Variants in URB2 observed in about 807,000 individuals in gnomAD.
URB2 encodes unhealthy ribosome biogenesis protein 2 homolog.
Under a neutral mutation model 120.9 loss-of-function variants are expected in URB2, and 86 were observed. That is an observed-to-expected ratio of 0.71 (90% CI 0.60 to 0.85). The LOEUF (loss-of-function observed/expected upper bound fraction) is 0.85. Ranked by LOEUF, URB2 falls within the 40% of genes least tolerant of loss-of-function variation. The probability of loss-of-function intolerance (pLI) is 0.00; values close to 1 mark genes in which losing one functional copy is unlikely to be tolerated. For missense variants in URB2, 1,765 were observed against 1,836.5 expected (o/e 0.96, Z 0.71); for synonymous variants, 755 against 758.4 (o/e 1.00, Z 0.07).
At position 229,636,396 on chromosome 1, in the gene URB2, C is replaced by A. The variant is rs757841534; in HGVS notation, c.1783C>A (p.Pro595Thr). ...ALLPDTPGPE[P>T]ELWLQKVSDS... The stretch of plus-strand genomic sequence containing the variant: ...TCTCCCGGACACCCCAGGCCCAGAG[C>A]CAGAGCTGTGGCTGCAGAAGGTCAG... The change falls in exon 4 of 10, where the codon CCA becomes ACA. Residue 595 changes from proline to threonine, a missense_variant. Pro to Thr is a conservative substitution (Grantham distance 38, BLOSUM62 -1). Coordinates refer to ENST00000258243, the MANE Select transcript of URB2 (RefSeq NM_014777.4). 4.6e-5 allele frequency: 74 copies of A among 1,614,128 alleles called. No homozygotes were observed. The South Asian group carries it at 7.0e-4, about 15-fold the overall frequency.
In URB2 at chr1:229,635,252, T is replaced by C. The variant is rs748606404; in HGVS notation, c.639T>C (p.Ser213=). 1.2e-6 allele frequency: 2 copies of C among 1,614,190 alleles called. No individual in the cohort carries two copies. The highest frequency in any genetic ancestry group is 4.5e-5 in the East Asian group (2 of 44,890). ...QPCLVLRHLL[S]GGTWTQAGQG... The stretch of plus-strand genomic sequence containing the variant: ...GCCTGGTCCTGAGGCACTTACTCTC[T>C]GGGGGCACATGGACGCAGGCTGGCC... Residue 213 remains serine, a synonymous_variant, in exon 4 of 10, where the codon TCT becomes TCC. Transcript: ENST00000258243.
At chr1:229,638,372 G>A (rs1665911431) in intron 4 of URB2, 125 bp downstream of exon 4, 2 of 1,158,326 alleles carry the variant, frequency 1.7e-6, no homozygotes, top group Admixed American at 5.5e-5. Context: ...GCGGCTGGGT[G>A]CGGTGGCTTA....
At chr1:229,648,790 C>T (rs1028067309) in intron 7 of URB2, among the ~76,000 whole-genome samples, 3 of 152,134 alleles carry the variant, frequency 2.0e-5, no homozygotes, top group African/African-American at 7.2e-5. Context: ...CTCATAGATA[C>T]GACGGTTAAT....
At chr1:229,651,378 T>C (rs936651561) in intron 8 of URB2, 56 bp downstream of exon 8, 19 of 1,472,982 alleles carry the variant, frequency 1.3e-5, no homozygotes, top group Non-Finnish European at 1.8e-5. Flanking sequence ...GAGGTGTGGC[T>C]GCTGGCCACA....
chr1:229,659,595 T>G lies in URB2; in HGVS notation c.*298T>G. ...CTTGGGACCTTTCTGTGTTTGGTTC[T>G]CGTCTTGGCTCAGTGGTTTGGTGTT... On this transcript the variant is annotated 3_prime_UTR_variant, in exon 10 of 10. Coordinates refer to ENST00000258243, the MANE Select transcript of URB2 (RefSeq NM_014777.4). 4.1e-6 allele frequency: 1 copy of G among 245,230 alleles called. No individual in the cohort carries two copies. The highest frequency in any genetic ancestry group is 8.6e-5 in the South Asian group (1 of 11,594). The allele number at this position is 245,230 out of a possible 1,614,324, so 15.2% of individuals were successfully genotyped here.
intron 4 of URB2, 37 bp from the exon 5 acceptor site, chr1:229,643,496 G>A (rs1288428415): frequency 6.2e-7 from 1 of 1,612,772 alleles, no homozygotes; most frequent in Non-Finnish European, 8.5e-7. Context: ...TATTTCACCT[G>A]TCACATCTTA....
chr1:229,659,590 G>T lies in URB2; in HGVS notation c.*293G>T. ...TGACTCTTGGGACCTTTCTGTGTTT[G>T]GTTCTCGTCTTGGCTCAGTGGTTTG... On this transcript the variant is annotated 3_prime_UTR_variant, in exon 10 of 10. Coordinates refer to ENST00000258243, the MANE Select transcript of URB2 (RefSeq NM_014777.4). 4.0e-6 allele frequency: 1 copy of T among 252,090 alleles called. No homozygotes were observed. Among genetic ancestry groups the T allele is most frequent in the Non-Finnish European group, 7.7e-6 (1 of 130,406 alleles). 15.6% of individuals were successfully genotyped at this position (252,090 alleles called of 1,614,324 possible).
rs1260500240 is a variant in URB2, at chr1:229,636,792, G to A, written c.2179G>A (p.Val727Ile). ...AACGACGGCTTCCTGGGATGGCCAA[G>A]TTGGGATGGTGAGTGGACTCACATA... ...QRTTASWDGQ[V>I]GMVSGLTYPV... is the part of the protein sequence containing the mutation. Residue 727 changes from valine (V) to isoleucine (I), a missense_variant, in exon 4 of 10, where the codon GTT becomes ATT. Physicochemically the swap from Val to Ile is conservative, Grantham distance 29. Coordinates refer to ENST00000258243, the MANE Select transcript of URB2 (RefSeq NM_014777.4). 1 of 1,612,456 alleles carries A rather than the reference G, an allele frequency of 6.2e-7. No homozygotes were observed. The highest frequency in any genetic ancestry group is 1.3e-5 in the African/African-American group (1 of 74,870).
chr1:229,635,023 T>A lies in URB2; in HGVS notation c.410T>A (p.Val137Asp). The change falls in exon 4 of 10, where the codon GTC (valine) becomes GAC (aspartate). Residue 137 changes from valine (V) to aspartate (D), a missense_variant. Val to Asp is a radical substitution (Grantham distance 152, BLOSUM62 -3). Transcript: ENST00000258243. ...QGILSTPALA[V>D]IYTAKQELMV... ...ATCCTGTCGACACCTGCCCTGGCTG[T>A]CATCTACACGGCCAAACAGGAGCTG... is the stretch of plus-strand genomic sequence containing the variant. 1 of 1,613,836 alleles carries A rather than the reference T, an allele frequency of 6.2e-7. No individual in the cohort carries two copies. The highest frequency in any genetic ancestry group is 8.5e-7 in the Non-Finnish European group (1 of 1,179,778).
chr1:229,628,101 T>A (rs182635690), intron 2 of URB2, among the ~76,000 whole-genome samples: 2 of 142,830 alleles, frequency 1.4e-5, no homozygotes, highest in East Asian at 3.9e-4. Context: ...ATTATATATA[T>A]TATATATGTA....
intron 7 of URB2, among the ~76,000 whole-genome samples, chr1:229,649,794 CTTG>C (rs1477143750): frequency 6.6e-6 from 1 of 152,164 alleles, no homozygotes; most frequent in Non-Finnish European, 1.5e-5. Context: ...CATGGCTTAG[CTTG>C]TTCAATCCTC....
chr1:229,651,391 T>C, intron 8 of URB2, 69 bp downstream of exon 8: 1 of 1,362,180 alleles, frequency 7.3e-7, no homozygotes, highest in Non-Finnish European at 9.9e-7. Flanking sequence ...TGGCCACATA[T>C]GTTACTGAAA....
In URB2 at chr1:229,635,988, A is replaced by T; in HGVS notation, c.1375A>T (p.Thr459Ser). The change falls in exon 4 of 10, where the codon ACT (threonine) becomes TCT (serine). Residue 459 changes from threonine to serine, a missense_variant. Coordinates refer to ENST00000258243, the MANE Select transcript of URB2 (RefSeq NM_014777.4). ...GGCGCTTATTCGTACTGTCTTCCAGACTTATGCCAAACTCCGACAAGTGCC... is the reference window on the plus strand; with the variant it reads ...GGCGCTTATTCGTACTGTCTTCCAGTCTTATGCCAAACTCCGACAAGTGCC... ...QEALIRTVFQ[T>S]YAKLRQVPRL... The T allele has an allele frequency of 6.2e-7, 1 of 1,613,988 alleles. No individual in the cohort carries two copies. The highest frequency in any genetic ancestry group is 8.5e-7 in the Non-Finnish European group (1 of 1,179,868).
At position 229,637,939 on chromosome 1, in the gene URB2, G is replaced by A. The variant is rs757887321; in HGVS notation, c.3326G>A (p.Gly1109Asp). Residue 1109 changes from glycine (G) to aspartate (D), a missense_variant, in exon 4 of 10, where the codon GGC becomes GAC. By Grantham distance (94) the Gly-to-Asp change is moderately conservative. Transcript: ENST00000258243. The part of the protein sequence containing the change: ...LQLCSVPGAR[G>D]WRLPSVLISS... The stretch of plus-strand genomic sequence containing the variant: ...CTCTGCTCAGTGCCGGGGGCCCGGG[G>A]CTGGCGCCTTCCCTCGGTCCTCATC... 1 of 1,613,196 alleles carries A rather than the reference G, an allele frequency of 6.2e-7. No homozygotes were observed. The highest frequency in any genetic ancestry group is 1.1e-5 in the South Asian group (1 of 90,868).
intron 9 of URB2, among the ~76,000 whole-genome samples, chr1:229,657,526 A>G (rs1397859019): frequency 6.6e-6 from 1 of 152,224 alleles, no homozygotes. Flanking sequence ...AGTAAGTGAT[A>G]ATTAAATGAA....
At position 229,637,711 on chromosome 1, in the gene URB2, C is replaced by T. The variant is rs747248291; in HGVS notation, c.3098C>T (p.Ser1033Phe). ...FRKITAFLSS[S>F]KPYTEAASSK... ...AAAATCACCGCATTCCTCTCTAGTT[C>T]CAAACCATACACGGAGGCAGCTTCA... Residue 1033 changes from serine to phenylalanine, a missense_variant, in exon 4 of 10, where the codon TCC (serine) becomes TTC (phenylalanine). Physicochemically the swap from Ser to Phe is radical, Grantham distance 155. Coordinates refer to ENST00000258243, the MANE Select transcript of URB2 (RefSeq NM_014777.4). 2 of 1,614,076 alleles carry T rather than the reference C, an allele frequency of 1.2e-6. No individual in the cohort carries two copies. The highest frequency in any genetic ancestry group is 1.7e-6 in the Non-Finnish European group (2 of 1,180,044).
At chr1:229,627,836 T>A (rs1464652194) in intron 2 of URB2, 77 bp downstream of exon 2, 26 of 1,467,618 alleles carry the variant, frequency 1.8e-5, no homozygotes, top group Non-Finnish European at 2.2e-5. Flanking sequence ...TATTGACAAT[T>A]GGTTAAAATA....
At chr1:229,645,662 C>T (rs1163180568) in intron 5 of URB2, among the ~76,000 whole-genome samples, 197 bp from the exon 6 acceptor site, 1 of 152,162 alleles carries the variant, frequency 6.6e-6, no homozygotes, top group Non-Finnish European at 1.5e-5. Context: ...TCTTCACTTC[C>T]TTCCTGTCTG....
intron 3 of URB2, among the ~76,000 whole-genome samples, chr1:229,634,604 A>T (rs558480810): frequency 1.3e-5 from 2 of 152,192 alleles, no homozygotes; most frequent in Non-Finnish European, 2.9e-5. Context: ...ATCTAAGAGA[A>T]AGTGACATTT....
Sources: allele counts gnomAD v4.1 joint callset (sites outside exome capture counted in the v4.1 genomes callset), GRCh38; gene constraint gnomAD v4.1.1; transcripts MANE v1.5; gene names NCBI Gene and HGNC (gene_info 2026-07-23, HGNC 2026-07-21).